The following ZSCAN25 variants were observed in gnomAD, a reference collection of about 807,000 sequenced individuals.
The protein encoded by ZSCAN25 is zinc finger and SCAN domain containing 25, also known as zinc finger and SCAN domain-containing protein 25.
ZSCAN25 carries 27 observed loss-of-function variants against 38.7 expected under a neutral mutation model. The observed-to-expected ratio is 0.70, with a 90% CI of 0.51 to 0.96. ZSCAN25 has a LOEUF of 0.96. Ranked by LOEUF, ZSCAN25 falls within the 40% of genes least tolerant of loss-of-function variation. ZSCAN25 has a pLI of 0.00. For synonymous variants in ZSCAN25, 273 were observed against 277.7 expected, an observed-to-expected ratio of 0.98 and a Z score of 0.17; for missense variants, 637 against 705.9, an observed-to-expected ratio of 0.90 and a Z score of 1.11.
chr7:99,714,710 C>T, the ZSCAN25 span: 99 of 1,604,254 alleles, frequency 6.2e-5, no homozygotes, highest in African/African-American at 4.3e-4. Flanking sequence ...CAACAGAAAA[C>T]GAAACCATTG....
chr7:99,731,261 T>A, the ZSCAN25 span: 9 of 1,235,798 alleles, frequency 7.3e-6, no homozygotes, highest in Middle Eastern at 1.9e-4. Context: ...GAGGTAACAT[T>A]AAGGCAATAA....
chr7:99,639,002 T>A, the ZSCAN25 span, among the ~76,000 whole-genome samples: 1 of 152,218 alleles, frequency 6.6e-6, no homozygotes, highest in Non-Finnish European at 1.5e-5. Context: ...GGAGCCGCCG[T>A]CCTGCTGAGG....
downstream of ZSCAN25, among the ~76,000 whole-genome samples, chr7:99,636,101 G>A (rs1005967963): frequency 4.6e-5 from 7 of 150,726 alleles, no homozygotes; most frequent in Admixed American, 3.3e-4. Context: ...AGTTTCCTCC[G>A]GTTTAGGCAT....
chr7:99,626,128 G>GTAAT (rs1807449592), intron 7 of ZSCAN25, among the ~76,000 whole-genome samples: 1 of 152,238 alleles, frequency 6.6e-6, no homozygotes, highest in Non-Finnish European at 1.5e-5. Context: ...TGTAATTGCA[G>GTAAT]TAATGTCCAC....
the ZSCAN25 span, among the ~76,000 whole-genome samples, chr7:99,668,662 TTAAC>T: frequency 3.9e-5 from 6 of 152,208 alleles, no homozygotes; most frequent in African/African-American, 1.4e-4. Flanking sequence ...GCCATTAAAA[TTAAC>T]TAACAAAGAG....
At chr7:99,693,782 T>C in the ZSCAN25 span, among the ~76,000 whole-genome samples, 2 of 152,238 alleles carry the variant, frequency 1.3e-5, no homozygotes, top group African/African-American at 4.8e-5. Context: ...AGAAGTCACC[T>C]ATCTTCTGCC....
the ZSCAN25 span, among the ~76,000 whole-genome samples, chr7:99,712,313 T>C: frequency 6.6e-6 from 1 of 152,206 alleles, no homozygotes; most frequent in South Asian, 2.1e-4. Context: ...AACTATCTAA[T>C]AATTGTATTC....
At chr7:99,681,700 G>A in the ZSCAN25 span, among the ~76,000 whole-genome samples, 1 of 152,122 alleles carries the variant, frequency 6.6e-6, no homozygotes. Context: ...CATGTATTCT[G>A]GCTATTAATC....
chr7:99,666,875 G>A, the ZSCAN25 span: 12 of 1,595,332 alleles, frequency 7.5e-6, no homozygotes, highest in African/African-American at 1.3e-5. Flanking sequence ...CCTTGGAAAC[G>A]GACTGTGATC....
the ZSCAN25 span, among the ~76,000 whole-genome samples, chr7:99,687,359 G>C: frequency 6.6e-6 from 1 of 152,246 alleles, no homozygotes; most frequent in African/African-American, 2.4e-5. Context: ...CAAGGATTGA[G>C]AACTACATGA....
the ZSCAN25 span, chr7:99,674,243 C>T: frequency 3.6e-6 from 1 of 274,506 alleles, no homozygotes; most frequent in Non-Finnish European, 6.8e-6. Context: ...ATCTTTGTAG[C>T]TAACAATAAT....
the ZSCAN25 span, among the ~76,000 whole-genome samples, chr7:99,694,265 C>G: frequency 6.6e-6 from 1 of 152,166 alleles, no homozygotes; most frequent in East Asian, 1.9e-4. Context: ...TTTATTTCAT[C>G]AGCTCGCTCT....
Position 99,622,603 on chromosome 7 carries a change from A to G in ZSCAN25, c.644A>G (p.Gln215Arg). Residue 215 changes from glutamine (Q) to arginine (R), a missense_variant, in exon 6 of 8, where the codon CAA becomes CGA. Physicochemically the swap from Gln to Arg is conservative, Grantham distance 43. Coordinates refer to ENST00000394152, the MANE Select transcript of ZSCAN25 (RefSeq NM_145115.3). ...CTCCCCGCAGTGAATCCCAGAGACC[A>G]AGAGATGGCAGCTGGGTTCTTTACT... is the stretch of plus-strand genomic sequence containing the variant. ...PGLPAVNPRD[Q>R]EMAAGFFTAG... 2 of 1,614,176 alleles carry G rather than the reference A, an allele frequency of 1.2e-6. No individual in the cohort carries two copies. The highest frequency in any genetic ancestry group is 1.7e-6 in the Non-Finnish European group (2 of 1,180,024).
the ZSCAN25 span, among the ~76,000 whole-genome samples, chr7:99,673,558 C>CA: frequency 2.1e-4 from 32 of 152,160 alleles, no homozygotes; most frequent in Admixed American, 7.9e-4. Flanking sequence ...CAAAGCAGAA[C>CA]AAAAAATTCC....
chr7:99,679,990 G>C, the ZSCAN25 span: 5 of 1,073,526 alleles, frequency 4.7e-6, no homozygotes, highest in Non-Finnish European at 5.8e-6. Context: ...TCCCTGCCCT[G>C]CACAGCAGTC....
chr7:99,660,175 CTG>C, the ZSCAN25 span: 1 of 959,814 alleles, frequency 1.0e-6, no homozygotes, highest in Non-Finnish European at 1.2e-6. Flanking sequence ...GAGCTGTAGA[CTG>C]GAGCTGTTCC....
the ZSCAN25 span, among the ~76,000 whole-genome samples, chr7:99,683,518 T>G: frequency 6.6e-6 from 1 of 152,348 alleles, no homozygotes; most frequent in East Asian, 1.9e-4. Flanking sequence ...TCTGAATCCA[T>G]GACTCTTTTC....
At chr7:99,691,865 C>T in the ZSCAN25 span, among the ~76,000 whole-genome samples, 1 of 152,144 alleles carries the variant, frequency 6.6e-6, no homozygotes, top group South Asian at 2.1e-4. Context: ...CAGTCTGTGT[C>T]TTTTAATTGG....
chr7:99,731,501 G>A, the ZSCAN25 span, among the ~76,000 whole-genome samples: 6 of 152,134 alleles, frequency 3.9e-5, no homozygotes, highest in Non-Finnish European at 5.9e-5. Flanking sequence ...TTAGTAAGTG[G>A]ACTCTTCCCT....
Sources: gnomAD v4.1 joint callset for allele counts (sites outside exome capture counted in the v4.1 genomes callset) on GRCh38, gnomAD v4.1.1 for gene constraint, MANE v1.5 for transcripts, NCBI Gene and HGNC (gene_info 2026-07-23, HGNC 2026-07-21) for gene names.